TEX9: variants seen among roughly 807,000 people sequenced by gnomAD.
TEX9 encodes the protein testis-expressed protein 9.
In TEX9, 74 loss-of-function variants were observed where a neutral mutation model predicts 59.6. The ratio of observed to expected loss-of-function variants is 1.24; its 90% CI spans 1.03 to 1.51. The LOEUF (loss-of-function observed/expected upper bound fraction) is 1.51, where lower values mean the gene tolerates loss of function less well. TEX9 is among the 40% of genes most tolerant of loss of function. The probability of loss-of-function intolerance (pLI) is 0.00; values close to 1 mark genes in which losing one functional copy is unlikely to be tolerated. For synonymous variants in TEX9, 186 were observed against 152.2 expected (o/e 1.22, Z -1.64); for missense variants, 522 against 447.8 (o/e 1.17, Z -1.49).
intron 1 of TEX9, among the ~76,000 whole-genome samples, chr15:56,257,509 C>T (rs1399313344): frequency 1.3e-5 from 2 of 152,132 alleles, no homozygotes; most frequent in Admixed American, 6.5e-5. Context: ...GATGGTATCT[C>T]ATTGTGGTTT....
chr15:56,458,703 A>G, the TEX9 span, among the ~76,000 whole-genome samples: 1 of 152,178 alleles, frequency 6.6e-6, no homozygotes, highest in African/African-American at 2.4e-5. Context: ...GGAATTATAC[A>G]GAATGGAGCC....
chr15:56,395,776 G>T (rs1259571051), intron 9 of TEX9: 1 of 152,148 alleles, frequency 6.6e-6, no homozygotes, highest in African/African-American at 2.4e-5. Context: ...TTTCTTTGGA[G>T]AAATGTCTGT....
the TEX9 span, chr15:56,456,535 T>A: frequency 6.2e-7 from 1 of 1,605,356 alleles, no homozygotes; most frequent in African/African-American, 1.3e-5. Context: ...AACGAAAAAT[T>A]TAACTTCGTT....
chr15:56,259,450 G>C (rs1175697171), intron 1 of TEX9, among the ~76,000 whole-genome samples: 2 of 151,944 alleles, frequency 1.3e-5, no homozygotes, highest in African/African-American at 2.4e-5. Flanking sequence ...TGTAAATTAA[G>C]GTTAAAGTCT....
At chr15:56,443,704 T>C in intron 12 of TEX9, 1 of 1,613,560 alleles carries the variant, frequency 6.2e-7, no homozygotes, top group Non-Finnish European at 8.5e-7. Flanking sequence ...CTTCTTCTCT[T>C]TGCTGCTGCA....
At chr15:56,385,338 C>T (rs1196737082) in intron 4 of TEX9, among the ~76,000 whole-genome samples, 1 of 152,060 alleles carries the variant, frequency 6.6e-6, no homozygotes, top group Non-Finnish European at 1.5e-5. Context: ...GAACAAAAGC[C>T]TATCAAAATT....
chr15:56,293,565 G>T (rs546799472), intron 1 of TEX9, among the ~76,000 whole-genome samples: 1 of 152,116 alleles, frequency 6.6e-6, no homozygotes, highest in East Asian at 1.9e-4. Flanking sequence ...GGGGTGGGGG[G>T]TGTAGTTTGG....
chr15:56,264,299 T>A (rs902479167), intron 1 of TEX9, among the ~76,000 whole-genome samples: 1 of 152,226 alleles, frequency 6.6e-6, no homozygotes, highest in African/African-American at 2.4e-5. Context: ...AATTTCATTG[T>A]GGTTTTAATT....
intron 12 of TEX9, chr15:56,428,750 T>G (rs1299632987): frequency 5.6e-6 from 2 of 354,014 alleles, no homozygotes; most frequent in African/African-American, 2.1e-5. Flanking sequence ...AAATATTTAT[T>G]TCCCTGGCTA....
chr15:56,305,589 A>G (rs1401134730), intron 1 of TEX9, among the ~76,000 whole-genome samples: 3 of 152,200 alleles, frequency 2.0e-5, no homozygotes, highest in African/African-American at 7.2e-5. Context: ...GAAAGAAATT[A>G]GACCCTTATC....
chr15:56,247,514 T>C (rs2043888661), intron 1 of TEX9, among the ~76,000 whole-genome samples: 2 of 152,112 alleles, frequency 1.3e-5, no homozygotes, highest in Admixed American at 6.5e-5. Flanking sequence ...GGGAGTAACA[T>C]GAGCACTGGT....
At chr15:56,382,156 A>G (rs1199866721) in intron 3 of TEX9, among the ~76,000 whole-genome samples, 1 of 152,176 alleles carries the variant, frequency 6.6e-6, no homozygotes, top group African/African-American at 2.4e-5. Flanking sequence ...AGTCCATAGC[A>G]GGGTTCTGCC....
chr15:56,397,430 G>C (rs1397133134), intron 9 of TEX9: 15 of 152,236 alleles, frequency 9.9e-5, no homozygotes, highest in Admixed American at 9.8e-4. Flanking sequence ...CAGTGGAAAA[G>C]AAAATCCCAT....
chr15:56,251,019 A>G (rs767956433), intron 1 of TEX9, among the ~76,000 whole-genome samples: 36 of 152,150 alleles, frequency 2.4e-4, no homozygotes, highest in Non-Finnish European at 4.3e-4. Context: ...ATTTGAGAAG[A>G]TGTCTTTGGA....
At chr15:56,299,071 G>T (rs2045281417) in intron 1 of TEX9, among the ~76,000 whole-genome samples, 1 of 152,294 alleles carries the variant, frequency 6.6e-6, no homozygotes, top group East Asian at 1.9e-4. Flanking sequence ...AAAATCAGGT[G>T]AGTGATCACA....
intron 2 of TEX9, among the ~76,000 whole-genome samples, chr15:56,371,057 A>T (rs140034632): frequency 6.6e-6 from 1 of 152,018 alleles, no homozygotes; most frequent in Non-Finnish European, 1.5e-5. Context: ...GGGTTTCGCT[A>T]TGTTGGCCAG....
chr15:56,394,417 A>T, intron 8 of TEX9, 170 bp downstream of exon 8: 1 of 645,988 alleles, frequency 1.5e-6, no homozygotes, highest in Non-Finnish European at 2.5e-6. Flanking sequence ...ATTTTCACAG[A>T]GCTGAAATAT....
chr15:56,399,751 C>T (rs117052096), intron 9 of TEX9, among the ~76,000 whole-genome samples: 2,706 of 152,288 alleles, frequency 0.018, 30 homozygotes, highest in Non-Finnish European at 0.03. Flanking sequence ...CCCTCTGGGA[C>T]GAAGCTCCCG....
rs1320230912 is a variant in TEX9 at position 56,426,587 on chromosome 15, G to GTA, written c.964-1017_964-1016insAT. 1.2e-3 allele frequency among the ~76,000 whole-genome samples: 10 copies of GTA among 8,210 alleles called. 2 individuals are homozygous for GTA. Among genetic ancestry groups the GTA allele is most frequent in the Non-Finnish European group, 2.2e-3 (8 of 3,720 alleles). 5.4% of individuals were successfully genotyped at this position (8,210 alleles called of 152,430 possible). On this transcript the variant is annotated intron_variant, in intron 10 of 12. Coordinates refer to ENST00000352903, the Ensembl canonical transcript of TEX9. ...GTTTTTTTTTTTTTTTTTTGAAAAG[G>GTA]TGTATATATATATATATATATATAT...
Sources: allele counts gnomAD v4.1 joint callset (sites outside exome capture counted in the v4.1 genomes callset), GRCh38; gene constraint gnomAD v4.1.1; transcripts MANE v1.5; gene names NCBI Gene and HGNC (gene_info 2026-07-23, HGNC 2026-07-21).